PEX7: variants seen among roughly 807,000 people sequenced by gnomAD.
PEX7 encodes the protein peroxisomal biogenesis factor 7.
In PEX7, 34 loss-of-function variants were observed where a neutral mutation model predicts 47.5. That is an observed-to-expected ratio of 0.72 (90% CI 0.54 to 0.95). PEX7 has a LOEUF of 0.95. Ranked by LOEUF, PEX7 falls within the 40% of genes least tolerant of loss-of-function variation. PEX7 has a pLI of 0.00. For missense variants in PEX7, 394 were observed against 400.3 expected, an observed-to-expected ratio of 0.98 and a Z score of 0.13; for synonymous variants, 141 against 148.8, an observed-to-expected ratio of 0.95 and a Z score of 0.38.
intron 8 of PEX7, among the ~76,000 whole-genome samples, chr6:136,872,649 T>G (rs923309407): frequency 7.2e-5 from 11 of 152,150 alleles, no homozygotes; most frequent in Admixed American, 7.2e-4. Context: ...ACAATGAACA[T>G]GAGTGTATGA....
At chr6:136,857,644 C>G (rs1038566042) in intron 5 of PEX7, among the ~76,000 whole-genome samples, 1 of 151,694 alleles carries the variant, frequency 6.6e-6, no homozygotes, top group African/African-American at 2.4e-5. Flanking sequence ...GTTCTACTTT[C>G]CTGCTGTTAG....
intron 9 of PEX7, among the ~76,000 whole-genome samples, chr6:136,903,543 G>A (rs1488551806): frequency 6.6e-6 from 1 of 151,714 alleles, no homozygotes; most frequent in Admixed American, 6.6e-5. Flanking sequence ...CCTATATAAT[G>A]AGCTTTCTTT....
chr6:136,835,729 T>C (rs768571883), intron 3 of PEX7, among the ~76,000 whole-genome samples: 3 of 152,220 alleles, frequency 2.0e-5, no homozygotes, highest in Non-Finnish European at 4.4e-5. Context: ...TGTTCAATTC[T>C]AATGACCTTC....
At chr6:136,874,496 AC>A (rs1239756604) in intron 8 of PEX7, among the ~76,000 whole-genome samples, 1 of 152,022 alleles carries the variant, frequency 6.6e-6, no homozygotes, top group Admixed American at 6.6e-5. Flanking sequence ...ACATGGTGAA[AC>A]CCTGTCTCTA....
At chr6:136,869,351 C>T (rs1775132915) in intron 6 of PEX7, among the ~76,000 whole-genome samples, 1 of 152,090 alleles carries the variant, frequency 6.6e-6, no homozygotes, top group South Asian at 2.1e-4. Flanking sequence ...ACACAATCCT[C>T]CTGCCTCACT....
At chr6:136,856,092 G>C (rs868376298) in intron 5 of PEX7, among the ~76,000 whole-genome samples, 8 of 152,080 alleles carry the variant, frequency 5.3e-5, no homozygotes, top group Non-Finnish European at 5.9e-5. Flanking sequence ...ATTGTTTCTA[G>C]AGTGTTGCTA....
intron 8 of PEX7, among the ~76,000 whole-genome samples, chr6:136,874,371 G>A (rs1014249899): frequency 2.6e-5 from 4 of 152,086 alleles, no homozygotes; most frequent in African/African-American, 9.7e-5. Context: ...AAATTTATTC[G>A]TAGAGGTGTC....
intron 3 of PEX7, among the ~76,000 whole-genome samples, chr6:136,828,847 C>A (rs555333252): frequency 1.2e-4 from 18 of 152,342 alleles, no homozygotes; most frequent in African/African-American, 4.3e-4. Flanking sequence ...GCTAGTAACA[C>A]ACTTACCTCT....
intron 8 of PEX7, among the ~76,000 whole-genome samples, chr6:136,883,629 G>A (rs1775417425): frequency 6.6e-6 from 1 of 151,932 alleles, no homozygotes; most frequent in South Asian, 2.1e-4. Context: ...TTTTTTACAT[G>A]CCCGTTCTAA....
chr6:136,828,420 T>G (rs1294236827), intron 3 of PEX7, among the ~76,000 whole-genome samples: 2 of 152,360 alleles, frequency 1.3e-5, no homozygotes, highest in East Asian at 3.9e-4. Flanking sequence ...ACTTTTAGGT[T>G]GTTCTGATTA....
intron 5 of PEX7, among the ~76,000 whole-genome samples, chr6:136,861,610 G>A (rs1339334086): frequency 4.0e-5 from 6 of 151,836 alleles, no homozygotes; most frequent in African/African-American, 9.7e-5. Context: ...GGAGACTGAC[G>A]CTTTAGGAGA....
At chr6:136,863,695 C>T (rs371167613) in intron 5 of PEX7, among the ~76,000 whole-genome samples, 2 of 151,978 alleles carry the variant, frequency 1.3e-5, no homozygotes, top group East Asian at 3.9e-4. Context: ...ATTGCTTGAG[C>T]TCGGGAGCTG....
intron 1 of PEX7, chr6:136,823,120 G>A (rs1399371102): frequency 1.7e-5 from 17 of 985,344 alleles, no homozygotes; most frequent in Non-Finnish European, 2.0e-5. Flanking sequence ...GAGAGCCGGG[G>A]GAGCCTGCGC....
chr6:136,889,716 A>T (rs1422885972), intron 8 of PEX7, among the ~76,000 whole-genome samples: 5 of 152,240 alleles, frequency 3.3e-5, no homozygotes, highest in Non-Finnish European at 7.3e-5. Flanking sequence ...TCAAAAGATA[A>T]TATCTGAAAA....
chr6:136,877,862 G>A lies in PEX7; in HGVS notation c.803+5609G>A, dbSNP rs888862296. On this transcript the variant is annotated intron_variant, in intron 8 of 9. Transcript: ENST00000318471. Reference sequence around the variant, plus strand: ...TAAGAAAGTCAATGGTAGCTTGATGGGGATAGCATTGAATCTATAAATTAC... The same window carrying A: ...TAAGAAAGTCAATGGTAGCTTGATGAGGATAGCATTGAATCTATAAATTAC... Among the ~76,000 whole-genome samples the A allele has an allele frequency of 4.6e-5, 7 of 152,124 alleles. No homozygotes were observed. In the East Asian group the frequency reaches 1.3e-3, roughly 29 times the overall value.
chr6:136,855,815 A>T, intron 5 of PEX7: 1 of 293,244 alleles, frequency 3.4e-6, no homozygotes, highest in Non-Finnish European at 6.5e-6. Context: ...TCCAGTTGGC[A>T]AAGTGGAAAG....
At chr6:136,886,094 C>T (rs1775463636) in intron 8 of PEX7, among the ~76,000 whole-genome samples, 1 of 152,274 alleles carries the variant, frequency 6.6e-6, no homozygotes, top group South Asian at 2.1e-4. Context: ...CATTTCAGCG[C>T]TCTAGTCTTC....
intron 9 of PEX7, among the ~76,000 whole-genome samples, chr6:136,911,673 C>T (rs772894436): frequency 1.3e-5 from 2 of 151,776 alleles, no homozygotes; most frequent in African/African-American, 2.4e-5. Context: ...TCCTAAAATG[C>T]TGGGATTACA....
chr6:136,851,197 G>A (rs1774750321), intron 5 of PEX7, among the ~76,000 whole-genome samples: 1 of 43,660 alleles, frequency 2.3e-5, no homozygotes, highest in Non-Finnish European at 4.3e-5. Context: ...TCCCCTTCCT[G>A]TGTCCATGTG....
Sources: gnomAD v4.1 joint callset for allele counts (sites outside exome capture counted in the v4.1 genomes callset) on GRCh38, gnomAD v4.1.1 for gene constraint, MANE v1.5 for transcripts, NCBI Gene and HGNC (gene_info 2026-07-23, HGNC 2026-07-21) for gene names.